FMN1: variants seen among roughly 807,000 people sequenced by gnomAD.
FMN1 encodes the protein formin 1.
In FMN1, 110 loss-of-function variants were observed where a neutral mutation model predicts 132.4. That is an observed-to-expected ratio of 0.83 (90% CI 0.71 to 0.97). FMN1 has a LOEUF of 0.97. Among genes scored for constraint, FMN1 ranks in the 50% least tolerant of loss-of-function variants. The pLI, the probability that FMN1 is intolerant of heterozygous loss-of-function variation, is 0.00. For synonymous variants in FMN1, 722 were observed against 651.7 expected (o/e 1.11, Z -1.64); for missense variants, 1,792 against 1,705.3 (o/e 1.05, Z -0.90).
chr15:32,945,111 ATCT>A (rs2061481568), intron 9 of FMN1, among the ~76,000 whole-genome samples: 1 of 152,148 alleles, frequency 6.6e-6, no homozygotes, highest in Non-Finnish European at 1.5e-5. Flanking sequence ...ATTTCTAATA[ATCT>A]TCTAGGTGAT....
chr15:32,912,438 C>T (rs1209411512), intron 10 of FMN1, among the ~76,000 whole-genome samples: 1 of 152,164 alleles, frequency 6.6e-6, no homozygotes, highest in East Asian at 1.9e-4. Flanking sequence ...GTTCTAAATA[C>T]TGTGGATTTT....
chr15:33,139,467 T>C (rs1445044537), intron 4 of FMN1, among the ~76,000 whole-genome samples: 1 of 152,088 alleles, frequency 6.6e-6, no homozygotes, highest in East Asian at 1.9e-4. Flanking sequence ...TAGACACACC[T>C]ATAATCCCAA....
intron 16 of FMN1, among the ~76,000 whole-genome samples, chr15:32,870,188 CCTTT>C (rs1411617726): frequency 6.6e-6 from 1 of 152,080 alleles, no homozygotes; most frequent in African/African-American, 2.4e-5. Context: ...AAAGATTCTT[CCTTT>C]AATTTTTCAA....
chr15:33,036,709 A>C (rs1032431286), intron 6 of FMN1, among the ~76,000 whole-genome samples: 1 of 152,228 alleles, frequency 6.6e-6, no homozygotes, highest in African/African-American at 2.4e-5. Flanking sequence ...CAGGGTTATA[A>C]TAAGTATTAA....
intron 2 of FMN1, among the ~76,000 whole-genome samples, chr15:33,189,114 G>A (rs1367089569): frequency 6.6e-6 from 1 of 152,176 alleles, no homozygotes; most frequent in Non-Finnish European, 1.5e-5. Context: ...ATTAGGACCA[G>A]TTGAAAATAA....
intron 6 of FMN1, among the ~76,000 whole-genome samples, chr15:33,019,109 C>A (rs2035265127): frequency 6.6e-6 from 1 of 152,180 alleles, no homozygotes; most frequent in South Asian, 2.1e-4. Context: ...CCACATCCTG[C>A]TCATTGGTCC....
At chr15:33,055,531 G>A (rs187191444) in intron 6 of FMN1, among the ~76,000 whole-genome samples, 100 of 152,046 alleles carry the variant, frequency 6.6e-4, no homozygotes, top group African/African-American at 2.3e-3. Flanking sequence ...AGCCCAGAAG[G>A]TGAAGGTAGG....
At chr15:33,014,951 G>A (rs2034952794) in intron 6 of FMN1, among the ~76,000 whole-genome samples, 1 of 152,182 alleles carries the variant, frequency 6.6e-6, no homozygotes. Context: ...TTCAGGAATA[G>A]TTCTAAGCAC....
intron 16 of FMN1, among the ~76,000 whole-genome samples, chr15:32,876,958 C>T (rs2059651332): frequency 6.6e-6 from 1 of 152,164 alleles, no homozygotes; most frequent in Admixed American, 6.5e-5. Flanking sequence ...TTCCATTAAC[C>T]TACCACACTG....
At chr15:33,031,809 G>A (rs2035950154) in intron 6 of FMN1, among the ~76,000 whole-genome samples, 1 of 152,174 alleles carries the variant, frequency 6.6e-6, no homozygotes, top group Non-Finnish European at 1.5e-5. Flanking sequence ...ACAGAAATAG[G>A]AAGTCACAGT....
chr15:32,987,683 G>A (rs541135697), intron 7 of FMN1, among the ~76,000 whole-genome samples: 1 of 152,070 alleles, frequency 6.6e-6, no homozygotes, highest in South Asian at 2.1e-4. Context: ...AAAAACAAAT[G>A]CCTACTTTCT....
Position 33,114,699 on chromosome 15 carries a change from G to C in FMN1, c.1868-25725C>G, listed in dbSNP as rs534760519. On this transcript the variant is annotated intron_variant, in intron 4 of 20. Coordinates refer to ENST00000616417, the MANE Select transcript of FMN1 (RefSeq NM_001277313.2). ...GGTAAATAGTCACAACTGCTGTAATGTCTCCTAAACTATAAACTCCATATT... is the reference window on the plus strand; with the variant it reads ...GGTAAATAGTCACAACTGCTGTAATCTCTCCTAAACTATAAACTCCATATT... 2.0e-5 allele frequency among the ~76,000 whole-genome samples: 3 copies of C among 152,246 alleles called. No homozygotes were observed. In the South Asian group the frequency reaches 6.2e-4, roughly 32 times the overall value.
chr15:33,076,761 A>G (rs1311543163), intron 5 of FMN1, among the ~76,000 whole-genome samples: 1 of 152,214 alleles, frequency 6.6e-6, no homozygotes, highest in East Asian at 1.9e-4. Flanking sequence ...CAATAAATAA[A>G]AAAAACTACG....
chr15:32,827,695 T>C (rs2058402215), intron 17 of FMN1, among the ~76,000 whole-genome samples: 1 of 151,700 alleles, frequency 6.6e-6, no homozygotes, highest in Non-Finnish European at 1.5e-5. Context: ...CAAAAAGAAA[T>C]TAGCCTGGCG....
chr15:33,098,659 G>A (rs1027645164), intron 4 of FMN1, among the ~76,000 whole-genome samples: 15 of 152,238 alleles, frequency 9.9e-5, no homozygotes, highest in African/African-American at 3.1e-4. Context: ...ATGAGACAGC[G>A]GAGGAGAATT....
chr15:33,093,267 T>TTG (rs373811800), intron 4 of FMN1, among the ~76,000 whole-genome samples: 17,800 of 152,278 alleles, frequency 0.12, 1,150 homozygotes, highest in African/African-American at 0.16. Context: ...CCCAAGGCAC[T>TTG]ACATAAAATA....
Position 32,956,578 on chromosome 15 carries a change from C to T in FMN1, c.3138+7529G>A, listed in dbSNP as rs78081560. 1.6e-3 allele frequency among the ~76,000 whole-genome samples: 236 copies of T among 152,102 alleles called. 1 individual carries two copies. The highest frequency in any genetic ancestry group is 5.4e-3 in the African/African-American group (223 of 41,476). On this transcript the variant is annotated intron_variant, in intron 9 of 20. Transcript: ENST00000616417. The stretch of plus-strand genomic sequence containing the variant: ...TATCACTCAAGAAATCGGGACAGAG[C>T]GCTAGTTTAGGCCCCCAGGTCATAT...
At chr15:32,785,218 ATTT>A (rs1230723314) in intron 19 of FMN1, among the ~76,000 whole-genome samples, 6,656 of 39,108 alleles carry the variant, frequency 0.17, 1,155 homozygotes, top group East Asian at 0.56. Context: ...ATATATATAT[ATTT>A]TTTTTTTTTT....
chr15:33,076,948 G>GACATTTAAATTAATTCA (rs1165927651), intron 5 of FMN1, among the ~76,000 whole-genome samples: 12 of 152,154 alleles, frequency 7.9e-5, no homozygotes, highest in Admixed American at 7.9e-4. Flanking sequence ...GATTAATTCA[G>GACATTTAAATTAATTCA]ACATTTAAAA....
Sources: gnomAD v4.1 joint callset for allele counts (sites outside exome capture counted in the v4.1 genomes callset) on GRCh38, gnomAD v4.1.1 for gene constraint, MANE v1.5 for transcripts, NCBI Gene and HGNC (gene_info 2026-07-23, HGNC 2026-07-21) for gene names.